The following CLSTN2 variants were observed in gnomAD, a reference collection of about 807,000 sequenced individuals.
CLSTN2 encodes calsyntenin 2.
A neutral mutation model predicts 101.2 loss-of-function variants in CLSTN2; 48 were observed. That is an observed-to-expected ratio of 0.47 (90% CI 0.38 to 0.60). The LOEUF is 0.60. Ranked by LOEUF, CLSTN2 falls within the 20% of genes least tolerant of loss-of-function variation. The probability of loss-of-function intolerance (pLI) is 0.00; values close to 1 mark genes in which losing one functional copy is unlikely to be tolerated. For missense variants in CLSTN2, 1,160 were observed against 1,238.2 expected (o/e 0.94, Z 0.95); for synonymous variants, 481 against 463.6 (o/e 1.04, Z -0.48).
At position 140,332,567 on chromosome 3, in the gene CLSTN2, C is replaced by T. The variant is rs557239799; in HGVS notation, c.233-71062C>T. On this transcript the variant is annotated intron_variant, in intron 2 of 16. Transcript: ENST00000458420. ...TGTACACTTGTCTGTAATGAGTGGA[C>T]GAGAAATGTTGTGAATATACTTAGT... Among the ~76,000 whole-genome samples the T allele has an allele frequency of 2.8e-4, 43 of 152,044 alleles. No individual in the cohort carries two copies. The South Asian group carries it at 5.0e-3, about 18-fold the overall frequency.
chr3:140,064,074 C>T (rs1425803500), intron 1 of CLSTN2, among the ~76,000 whole-genome samples: 4 of 152,126 alleles, frequency 2.6e-5, no homozygotes, highest in East Asian at 1.9e-4. Flanking sequence ...GGTGAGCAAG[C>T]GTGAACAGAT....
chr3:140,000,928 A>G (rs1313042339), intron 1 of CLSTN2, among the ~76,000 whole-genome samples: 1 of 152,138 alleles, frequency 6.6e-6, no homozygotes, highest in Non-Finnish European at 1.5e-5. Context: ...TTCTGTGGTT[A>G]TTGGCATGTG....
chr3:139,944,281 C>T (rs920721809), intron 1 of CLSTN2, among the ~76,000 whole-genome samples: 8 of 152,112 alleles, frequency 5.3e-5, no homozygotes, highest in East Asian at 1.9e-4. Flanking sequence ...TTTCAGAGTC[C>T]CCCCTTTTAT....
intron 2 of CLSTN2, among the ~76,000 whole-genome samples, chr3:140,288,119 C>CTG (rs1489129374): frequency 5.8e-5 from 1 of 17,112 alleles, no homozygotes; most frequent in Admixed American, 7.5e-4. Context: ...CTCAGCAGAA[C>CTG]AGGAAACCGG....
chr3:140,172,453 C>T (rs2010254067), intron 1 of CLSTN2, among the ~76,000 whole-genome samples: 1 of 152,146 alleles, frequency 6.6e-6, no homozygotes, highest in Non-Finnish European at 1.5e-5. Flanking sequence ...TTGGCAAGAA[C>T]TGGGTTCTCA....
chr3:139,960,161 G>C (rs1323186065), intron 1 of CLSTN2, among the ~76,000 whole-genome samples: 4 of 152,168 alleles, frequency 2.6e-5, no homozygotes, highest in Non-Finnish European at 5.9e-5. Context: ...TTTCTTTAGT[G>C]TAAATGCTCC....
chr3:140,269,479 G>A (rs1264762618), intron 2 of CLSTN2, among the ~76,000 whole-genome samples: 1 of 152,178 alleles, frequency 6.6e-6, no homozygotes, highest in Non-Finnish European at 1.5e-5. Context: ...GACAATCAAT[G>A]TTTGTAATCA....
intron 1 of CLSTN2, among the ~76,000 whole-genome samples, chr3:140,066,051 C>T (rs1276430402): frequency 2.0e-5 from 3 of 152,192 alleles, no homozygotes; most frequent in African/African-American, 4.8e-5. Context: ...GTAACTGAAG[C>T]TTTACGCAAT....
rs142052183 is a variant in CLSTN2 at position 140,332,198 on chromosome 3, G to C, written c.233-71431G>C. 2.9e-3 allele frequency among the ~76,000 whole-genome samples: 439 copies of C among 152,300 alleles called. 1 individual carries two copies. Among genetic ancestry groups the C allele is most frequent in the African/African-American group, 0.01 (422 of 41,564 alleles). ...TGTCTTAACACTGGGTAAAGAGGGAGGGGAGGAGATGTGGAGGACAAACCA... is the reference window on the plus strand; with the variant it reads ...TGTCTTAACACTGGGTAAAGAGGGACGGGAGGAGATGTGGAGGACAAACCA... On this transcript the variant is annotated intron_variant, in intron 2 of 16. Transcript: ENST00000458420.
chr3:140,012,607 C>T (rs187542998), intron 1 of CLSTN2, among the ~76,000 whole-genome samples: 7 of 152,306 alleles, frequency 4.6e-5, no homozygotes, highest in South Asian at 4.1e-4. Flanking sequence ...CCCCAGTGGA[C>T]TTCTCTTTCT....
chr3:140,058,401 C>T (rs2008137428), intron 1 of CLSTN2, among the ~76,000 whole-genome samples: 1 of 152,070 alleles, frequency 6.6e-6, no homozygotes, highest in Non-Finnish European at 1.5e-5. Context: ...GGATGGAAGA[C>T]ATGGCATGAG....
chr3:140,464,914 T>C (rs971036505), intron 7 of CLSTN2, among the ~76,000 whole-genome samples: 11 of 152,220 alleles, frequency 7.2e-5, no homozygotes, highest in African/African-American at 2.4e-4. Context: ...CCTTTGGTTA[T>C]GTTCTCAAGA....
intron 8 of CLSTN2, among the ~76,000 whole-genome samples, chr3:140,472,025 A>T (rs1335580785): frequency 6.6e-6 from 1 of 152,144 alleles, no homozygotes; most frequent in African/African-American, 2.4e-5. Flanking sequence ...TCTTAAGAGG[A>T]TTCACCTTTG....
intron 2 of CLSTN2, among the ~76,000 whole-genome samples, chr3:140,335,621 C>G (rs989197992): frequency 1.3e-5 from 2 of 152,094 alleles, no homozygotes; most frequent in Admixed American, 6.5e-5. Context: ...GAGTTGAAGA[C>G]AGAAGTCAGA....
chr3:140,518,718 G>A (rs1408269218), intron 8 of CLSTN2, among the ~76,000 whole-genome samples: 3 of 152,132 alleles, frequency 2.0e-5, no homozygotes, highest in East Asian at 1.9e-4. Context: ...GGATTCTCTC[G>A]GCTTTCCTGG....
Position 140,566,698 on chromosome 3 carries a change from A to C in CLSTN2, c.*445A>C. ...ATGCTGACTCCAGGTTGCTTCATACAAGGAGGGTGGTTGAACTTCACACAC... is the reference window on the plus strand; with the variant it reads ...ATGCTGACTCCAGGTTGCTTCATACCAGGAGGGTGGTTGAACTTCACACAC... On this transcript the variant is annotated 3_prime_UTR_variant, in exon 17 of 17. Coordinates refer to ENST00000458420, the MANE Select transcript of CLSTN2 (RefSeq NM_022131.3). The C allele has an allele frequency of 5.1e-6, 1 of 194,412 alleles. No individual in the cohort carries two copies. The highest frequency in any genetic ancestry group is 1.1e-5 in the Non-Finnish European group (1 of 91,220). The allele number at this position is 194,412 out of a possible 1,614,324, so 12.0% of individuals were successfully genotyped here.
At chr3:139,966,633 CT>C (rs1191314102) in intron 1 of CLSTN2, among the ~76,000 whole-genome samples, 1 of 152,168 alleles carries the variant, frequency 6.6e-6, no homozygotes, top group African/African-American at 2.4e-5. Context: ...GCACCATGGT[CT>C]CCTTTGGAGC....
rs575861478 is a variant in CLSTN2 at position 140,483,132 on chromosome 3, G to T, written c.1344+16401G>T. On this transcript the variant is annotated intron_variant, in intron 8 of 16. Transcript: ENST00000458420. ...GCTTTGAATATGTCCCAGACATTCT[G>T]GTATGTTGTGTCTTTGTTCTCGTTG... is the stretch of plus-strand genomic sequence containing the variant. Among the ~76,000 whole-genome samples the T allele has an allele frequency of 3.9e-5, 6 of 152,094 alleles. No individual in the cohort carries two copies. In the South Asian group the frequency reaches 1.2e-3, roughly 32 times the overall value.
At chr3:139,997,237 C>A (rs1293640768) in intron 1 of CLSTN2, among the ~76,000 whole-genome samples, 3 of 151,964 alleles carry the variant, frequency 2.0e-5, no homozygotes, top group Non-Finnish European at 2.9e-5. Flanking sequence ...TGTCCTTTTT[C>A]TTTGAGACGT....
Sources: allele counts gnomAD v4.1 joint callset (sites outside exome capture counted in the v4.1 genomes callset), GRCh38; gene constraint gnomAD v4.1.1; transcripts MANE v1.5; gene names NCBI Gene and HGNC (gene_info 2026-07-23, HGNC 2026-07-21).